Variants in ADAMTS18 observed in about 807,000 individuals in gnomAD.
ADAMTS18 encodes the protein A disintegrin and metalloproteinase with thrombospondin motifs 18.
Under a neutral mutation model 165.9 loss-of-function variants are expected in ADAMTS18, and 157 were observed. That is an observed-to-expected ratio of 0.95 (90% CI 0.83 to 1.08). ADAMTS18 has a LOEUF of 1.08. ADAMTS18 is among the 50% of genes least tolerant of loss of function. The pLI is 0.00. For synonymous variants in ADAMTS18, 782 were observed against 578.2 expected (o/e 1.35, Z -5.06); for missense variants, 2,040 against 1,534.0 (o/e 1.33, Z -5.51).
chr16:77,394,034 T>C (rs1222720322), intron 3 of ADAMTS18, among the ~76,000 whole-genome samples: 1 of 152,214 alleles, frequency 6.6e-6, no homozygotes, highest in Admixed American at 6.5e-5. Flanking sequence ...AACAGGGCAT[T>C]ACATGATTGA....
Position 77,291,340 on chromosome 16 carries a change from A to T in ADAMTS18, c.3328T>A (p.Cys1110Ser). 2 of 1,614,184 alleles carry T rather than the reference A, an allele frequency of 1.2e-6. No individual in the cohort carries two copies. Among genetic ancestry groups the T allele is most frequent in the Non-Finnish European group, 1.7e-6 (2 of 1,180,026 alleles). The stretch of plus-strand genomic sequence containing the variant: ...TGGGCTGGGCAAGCCCGTCGGTTGC[A>T]GGTCTCTTCCAAGTCCAGATTTGGT... The part of the protein sequence containing the change: ...KKPNLDLEET[C>S]NRRACPAHPV... The change falls in exon 21 of 23, where the codon TGC becomes AGC. Residue 1110 changes from cysteine to serine, a missense_variant. Coordinates refer to ENST00000282849, the MANE Select transcript of ADAMTS18 (RefSeq NM_199355.4).
chr16:77,316,059 C>G (rs956416002), intron 16 of ADAMTS18, among the ~76,000 whole-genome samples: 14 of 152,140 alleles, frequency 9.2e-5, no homozygotes, highest in African/African-American at 3.1e-4. Flanking sequence ...GAGTTCATTT[C>G]TTATACATGT....
intron 4 of ADAMTS18, 141 bp from the exon 5 acceptor site, chr16:77,364,522 G>C: frequency 1.1e-6 from 1 of 896,676 alleles, no homozygotes; most frequent in Non-Finnish European, 1.7e-6. Context: ...TGCTATCAGT[G>C]CCTGCCCAGG....
intron 3 of ADAMTS18, among the ~76,000 whole-genome samples, chr16:77,394,896 A>G (rs2057236762): frequency 6.6e-6 from 1 of 152,176 alleles, no homozygotes; most frequent in Non-Finnish European, 1.5e-5. Flanking sequence ...TTGAGTGCAC[A>G]GCAAAACTGC....
chr16:77,406,725 G>C (rs939241100), intron 3 of ADAMTS18, among the ~76,000 whole-genome samples: 1 of 151,966 alleles, frequency 6.6e-6, no homozygotes. Context: ...CCCATCAATA[G>C]TGAACTGGAC....
intron 3 of ADAMTS18, among the ~76,000 whole-genome samples, chr16:77,383,044 T>G (rs1032865678): frequency 6.6e-6 from 1 of 152,218 alleles, no homozygotes; most frequent in Non-Finnish European, 1.5e-5. Flanking sequence ...TGTGGCATTA[T>G]GCAGTTAAGA....
intron 19 of ADAMTS18, among the ~76,000 whole-genome samples, chr16:77,294,657 T>C (rs1301182680): frequency 6.6e-6 from 1 of 152,230 alleles, no homozygotes; most frequent in Non-Finnish European, 1.5e-5. Flanking sequence ...TGGAATCCTT[T>C]CTAGCTGTGC....
intron 3 of ADAMTS18, among the ~76,000 whole-genome samples, chr16:77,379,336 T>C (rs1307071380): frequency 6.6e-6 from 1 of 151,696 alleles, no homozygotes; most frequent in East Asian, 1.9e-4. Context: ...GCTAGCATCA[T>C]GGGGAGAAGA....
In ADAMTS18 at chr16:77,359,372, T is replaced by G. The variant is rs760101011; in HGVS notation, c.1268A>C (p.Asn423Thr). ...MCSKYRSCTI[N>T]EDTGLGLAFT... ...GGCAAGGCCAAGTCCTGTGTCCTCA[T>G]TGATGGTACAACTTCGGTACTTAGA... Residue 423 changes from asparagine (N) to threonine (T), a missense_variant, in exon 8 of 23, where the codon AAT (asparagine) becomes ACT (threonine). Asn to Thr is a moderately conservative substitution (Grantham distance 65). Coordinates refer to ENST00000282849, the MANE Select transcript of ADAMTS18 (RefSeq NM_199355.4). 6.2e-7 allele frequency: 1 copy of G among 1,614,138 alleles called. No individual in the cohort carries two copies. The highest frequency in any genetic ancestry group is 8.5e-7 in the Non-Finnish European group (1 of 1,180,016).
At chr16:77,311,485 C>T (rs144464024) in intron 16 of ADAMTS18, among the ~76,000 whole-genome samples, 3 of 152,058 alleles carry the variant, frequency 2.0e-5, no homozygotes, top group Admixed American at 6.6e-5. Context: ...AATATACAGT[C>T]CACTTTTGGG....
intron 10 of ADAMTS18, among the ~76,000 whole-genome samples, chr16:77,342,174 C>T (rs2056408285): frequency 1.3e-5 from 2 of 152,152 alleles, no homozygotes. Flanking sequence ...TCCTGAAATG[C>T]CTGGTTTCAT....
intron 10 of ADAMTS18, among the ~76,000 whole-genome samples, chr16:77,350,089 G>A (rs2056533962): frequency 6.6e-6 from 1 of 152,186 alleles, no homozygotes; most frequent in African/African-American, 2.4e-5. Flanking sequence ...AACAGCATCA[G>A]CTCACTCATG....
rs773589727 is a variant in ADAMTS18 at position 77,284,005 on chromosome 16, T to C, written c.3617A>G (p.His1206Arg). ...GCAGCATTGTTTTCCGTAAAACTTG[T>C]GGTTGCAGACACCATGCTGAGGAAC... ...HLVPQHGVCN[H>R]KFYGKQCCKS... The change falls in exon 23 of 23, where the codon CAC becomes CGC. Residue 1206 changes from histidine to arginine, a missense_variant. His to Arg is a conservative substitution (Grantham distance 29, BLOSUM62 0). Transcript: ENST00000282849. 6.2e-7 allele frequency: 1 copy of C among 1,614,112 alleles called. No homozygotes were observed. Among genetic ancestry groups the C allele is most frequent in the East Asian group, 2.2e-5 (1 of 44,876 alleles).
chr16:77,333,183 C>T (rs2056218467), intron 12 of ADAMTS18, among the ~76,000 whole-genome samples: 1 of 152,152 alleles, frequency 6.6e-6, no homozygotes, highest in African/African-American at 2.4e-5. Context: ...TTCTGCCCAC[C>T]ATACCTTCCC....
At chr16:77,339,649 T>C (rs1043995023) in intron 11 of ADAMTS18, among the ~76,000 whole-genome samples, 1 of 151,852 alleles carries the variant, frequency 6.6e-6, no homozygotes, top group Admixed American at 6.6e-5. Context: ...TAAGTTGTGA[T>C]GCCTCAAAAG....
intron 3 of ADAMTS18, among the ~76,000 whole-genome samples, chr16:77,393,368 G>A (rs2057215229): frequency 6.6e-6 from 1 of 152,194 alleles, no homozygotes; most frequent in Non-Finnish European, 1.5e-5. Context: ...CAGGGGCTAG[G>A]CTGCTTACAC....
chr16:77,378,657 G>C (rs929938215), intron 3 of ADAMTS18, among the ~76,000 whole-genome samples: 7 of 152,136 alleles, frequency 4.6e-5, no homozygotes, highest in African/African-American at 1.7e-4. Context: ...GGAGGTTGCA[G>C]TGAGCCCAGA....
intron 3 of ADAMTS18, among the ~76,000 whole-genome samples, chr16:77,400,812 T>C (rs890931014): frequency 1.3e-5 from 2 of 152,182 alleles, no homozygotes; most frequent in Admixed American, 6.5e-5. Context: ...TAACTCACAG[T>C]GCCCTCAGAA....
chr16:77,391,430 G>A (rs2057185174), intron 3 of ADAMTS18, among the ~76,000 whole-genome samples: 2 of 151,314 alleles, frequency 1.3e-5, no homozygotes, highest in Admixed American at 6.6e-5. Context: ...GGTGGAAGTT[G>A]CAGTTAAGTC....
Sources: allele counts gnomAD v4.1 joint callset (sites outside exome capture counted in the v4.1 genomes callset), GRCh38; gene constraint gnomAD v4.1.1; transcripts MANE v1.5; gene names NCBI Gene and HGNC (gene_info 2026-07-23, HGNC 2026-07-21).